The following NSRP1 variants were observed in gnomAD, a reference collection of about 807,000 sequenced individuals.
NSRP1 encodes nuclear speckle splicing regulatory protein 1.
In NSRP1, 24 loss-of-function variants were observed where a neutral mutation model predicts 54.7. The ratio of observed to expected loss-of-function variants is 0.44; its 90% CI spans 0.32 to 0.62. The LOEUF (loss-of-function observed/expected upper bound fraction) is 0.62, where lower values mean the gene tolerates loss of function less well. Among genes scored for constraint, NSRP1 ranks in the 20% least tolerant of loss-of-function variants. The pLI is 0.06. For missense variants in NSRP1, 596 were observed against 651.2 expected, an observed-to-expected ratio of 0.92 and a Z score of 0.92; for synonymous variants, 210 against 213.8, an observed-to-expected ratio of 0.98 and a Z score of 0.15.
Position 30,185,496 on chromosome 17 carries a change from A to G in NSRP1, c.1499A>G (p.His500Arg), listed in dbSNP as rs2143011649. The G allele has an allele frequency of 6.2e-7, 1 of 1,613,814 alleles. No homozygotes were observed. Among genetic ancestry groups the G allele is most frequent in the Non-Finnish European group, 8.5e-7 (1 of 1,179,938 alleles). ...TCTGAATCATCACTGGGAGCAAAAC[A>G]CAGACTCACAGAGGAAGGGCAAGAG... ...SNSESSLGAK[H>R]RLTEEGQEKG... is the part of the protein sequence containing the mutation. The change falls in exon 7 of 7, where the codon CAC becomes CGC. Residue 500 changes from histidine to arginine, a missense_variant. Physicochemically the swap from His to Arg is conservative, Grantham distance 29. Coordinates refer to ENST00000247026, the MANE Select transcript of NSRP1 (RefSeq NM_032141.4).
intron 2 of NSRP1, among the ~76,000 whole-genome samples, chr17:30,131,268 C>CT (rs1307185706): frequency 6.6e-6 from 1 of 151,830 alleles, no homozygotes; most frequent in African/African-American, 2.4e-5. Context: ...TACAGTTTCT[C>CT]TGTCTTTTAT....
intron 2 of NSRP1, chr17:30,150,477 G>A (rs1172696778): frequency 6.6e-6 from 1 of 151,960 alleles, no homozygotes; most frequent in African/African-American, 2.4e-5. Context: ...CCACCTCCTG[G>A]GTTCACACCA....
In NSRP1 at chr17:30,184,729, A is replaced by G. The variant is rs757919387; in HGVS notation, c.732A>G (p.Pro244=). 14 of 1,614,162 alleles carry G rather than the reference A, an allele frequency of 8.7e-6. No homozygotes were observed. Among genetic ancestry groups the G allele is most frequent in the East Asian group, 4.5e-5 (2 of 44,888 alleles). Residue 244 remains proline (P), a synonymous_variant, in exon 7 of 7, where the codon CCA becomes CCG. Coordinates refer to ENST00000247026, the MANE Select transcript of NSRP1 (RefSeq NM_032141.4). The part of the protein sequence containing the change: ...LQTDVKVEEN[P]DADSDFDAKS... ...CTGATGTGAAAGTAGAGGAAAACCC[A>G]GATGCAGACAGTGACTTCGATGCTA...
intron 2 of NSRP1, among the ~76,000 whole-genome samples, chr17:30,157,118 G>A (rs1238721679): frequency 1.3e-5 from 2 of 152,074 alleles, no homozygotes; most frequent in Non-Finnish European, 2.9e-5. Flanking sequence ...TACAGTGTAT[G>A]AGAGCTCCTT....
chr17:30,137,329 G>C (rs577848358), intron 2 of NSRP1, among the ~76,000 whole-genome samples: 1 of 152,318 alleles, frequency 6.6e-6, no homozygotes, highest in Non-Finnish European at 1.5e-5. Flanking sequence ...CTCCCTGTGA[G>C]AGAGTATACT....
chr17:30,128,890 TTGTA>T (rs919672656), intron 2 of NSRP1, among the ~76,000 whole-genome samples: 7 of 151,910 alleles, frequency 4.6e-5, no homozygotes, highest in African/African-American at 1.7e-4. Context: ...GTAGTTATCT[TTGTA>T]TGGCAGACAA....
chr17:30,173,050 A>G (rs1045479798), intron 3 of NSRP1, among the ~76,000 whole-genome samples: 5 of 151,210 alleles, frequency 3.3e-5, no homozygotes, highest in Admixed American at 6.6e-5. Flanking sequence ...TGCAGTCTCC[A>G]TCTCCTGGGT....
intron 2 of NSRP1, among the ~76,000 whole-genome samples, chr17:30,130,295 C>T (rs1046601585): frequency 3.9e-5 from 6 of 151,988 alleles, no homozygotes; most frequent in African/African-American, 1.5e-4. Context: ...GACAGAGTCT[C>T]ACTATGTTGC....
Position 30,127,396 on chromosome 17 carries a change from C to T in NSRP1, c.114+9223C>T, listed in dbSNP as rs533499393. ...ATAATTTATATGCCATTAAGAGATA[C>T]GATGTATAGAATCTGAAAATTGTTG... On this transcript the variant is annotated intron_variant, in intron 2 of 6. Transcript: ENST00000247026. Among the ~76,000 whole-genome samples, 17 of 152,214 alleles carry T rather than the reference C, an allele frequency of 1.1e-4. No homozygotes were observed. The South Asian group carries it at 1.5e-3, about 13-fold the overall frequency.
At chr17:30,139,351 G>A (rs1010702821) in intron 2 of NSRP1, among the ~76,000 whole-genome samples, 2 of 151,974 alleles carry the variant, frequency 1.3e-5, no homozygotes, top group African/African-American at 2.4e-5. Context: ...CTGCTGAAAG[G>A]GTCCTTTCCT....
intron 6 of NSRP1, among the ~76,000 whole-genome samples, chr17:30,183,099 A>G (rs545445811): frequency 3.3e-5 from 5 of 152,222 alleles, no homozygotes; most frequent in Admixed American, 3.3e-4. Context: ...ATTTCTATTA[A>G]TGCTGGTCTA....
chr17:30,158,652 AGG>A (rs1197467826), intron 2 of NSRP1, among the ~76,000 whole-genome samples: 4 of 60,994 alleles, frequency 6.6e-5, no homozygotes, highest in Non-Finnish European at 1.9e-4. Context: ...GGTGAGAGAC[AGG>A]GGTTTAGTTT....
chr17:30,127,567 C>A (rs188217424), intron 2 of NSRP1, among the ~76,000 whole-genome samples: 66 of 152,200 alleles, frequency 4.3e-4, no homozygotes, highest in African/African-American at 1.6e-3. Context: ...GGATGTGCCA[C>A]CACATCTGGC....
chr17:30,185,795 C>A lies in NSRP1; in HGVS notation c.*121C>A. Reference sequence around the variant, plus strand: ...TGGAGGGCATTTTTAAATTTATTTTCAAAATTTTAAGTTAAAAGTCAGTCT... The same window carrying A: ...TGGAGGGCATTTTTAAATTTATTTTAAAAATTTTAAGTTAAAAGTCAGTCT... On this transcript the variant is annotated 3_prime_UTR_variant, in exon 7 of 7. Coordinates refer to ENST00000247026, the MANE Select transcript of NSRP1 (RefSeq NM_032141.4). The A allele has an allele frequency of 1.7e-6, 2 of 1,176,566 alleles. No individual in the cohort carries two copies. The highest frequency in any genetic ancestry group is 2.3e-6 in the Non-Finnish European group (2 of 854,016). The allele number at this position is 1,176,566 out of a possible 1,614,324, so 72.9% of individuals were successfully genotyped here.
chr17:30,119,803 G>A lies in NSRP1; in HGVS notation c.114+1630G>A, dbSNP rs573571577. Among the ~76,000 whole-genome samples the A allele has an allele frequency of 7.6e-4, 116 of 152,178 alleles. 1 individual carries two copies. The highest frequency in any genetic ancestry group is 2.7e-3 in the African/African-American group (111 of 41,532). ...CAGGCATGACCCACTGTGCCTGACC[G>A]GTTTTCAGTTTTTATTATATAATAG... On this transcript the variant is annotated intron_variant, in intron 2 of 6. Transcript: ENST00000247026.
intron 2 of NSRP1, among the ~76,000 whole-genome samples, chr17:30,133,184 C>T (rs1449387843): frequency 6.6e-6 from 1 of 150,396 alleles, no homozygotes; most frequent in Non-Finnish European, 1.5e-5. Flanking sequence ...AACTCCTGAG[C>T]TCAAGCAATC....
chr17:30,134,668 T>A (rs139247045), intron 2 of NSRP1, among the ~76,000 whole-genome samples: 5 of 152,342 alleles, frequency 3.3e-5, no homozygotes, highest in Admixed American at 3.3e-4. Context: ...AAATTTTGAA[T>A]TCAGGTCTGC....
intron 2 of NSRP1, among the ~76,000 whole-genome samples, chr17:30,151,406 AC>A (rs761727053): frequency 1.6e-4 from 25 of 152,218 alleles, no homozygotes; most frequent in Non-Finnish European, 2.6e-4. Flanking sequence ...TAAACAGCTA[AC>A]ACACTTTTTA....
rs4795535 is a variant in NSRP1, at chr17:30,172,386, T to C, written c.115-156T>C. 7.7e-3 allele frequency among the ~76,000 whole-genome samples: 1,179 copies of C among 152,316 alleles called. 52 individuals are homozygous for C. Among genetic ancestry groups the C allele is most frequent in the Admixed American group, 0.067 (1,024 of 15,298 alleles). On this transcript the variant is annotated intron_variant, in intron 2 of 6. Coordinates refer to ENST00000247026, the MANE Select transcript of NSRP1 (RefSeq NM_032141.4). ...GAAATGCTCATTGGAGCATCAGATA[T>C]CAGATCTTCAGATTTGGGGTGCTGA...
Sources: gnomAD v4.1 joint callset for allele counts (sites outside exome capture counted in the v4.1 genomes callset) on GRCh38, gnomAD v4.1.1 for gene constraint, MANE v1.5 for transcripts, NCBI Gene and HGNC (gene_info 2026-07-23, HGNC 2026-07-21) for gene names.